Variants in CCNJL observed in about 807,000 individuals in gnomAD.
CCNJL encodes cyclin-J-like protein.
In CCNJL, 33 loss-of-function variants were observed where a neutral mutation model predicts 33.4. That is an observed-to-expected ratio of 0.99 (90% confidence interval 0.75 to 1.32). The LOEUF (loss-of-function observed/expected upper bound fraction) is 1.32, where lower values mean the gene tolerates loss of function less well. Ranked by LOEUF, CCNJL falls within the 40% of genes most tolerant of loss-of-function variation. The pLI, the probability that CCNJL is intolerant of heterozygous loss-of-function variation, is 0.00. For synonymous variants in CCNJL, 227 were observed against 220.9 expected (o/e 1.03, Z -0.24); for missense variants, 512 against 499.7 (o/e 1.02, Z -0.23).
chr5:160,256,148 C>T (rs191702678), intron 4 of CCNJL, among the ~76,000 whole-genome samples: 13 of 152,290 alleles, frequency 8.5e-5, no homozygotes, highest in African/African-American at 2.4e-4. Context: ...CTCAGCCTCC[C>T]AAAGTGCTGG....
intron 1 of CCNJL, among the ~76,000 whole-genome samples, chr5:160,321,820 C>T (rs1581020083): frequency 1.3e-5 from 2 of 152,200 alleles, no homozygotes; most frequent in South Asian, 4.1e-4. Context: ...GACGGTGCCA[C>T]TGCACTCCAG....
chr5:160,335,457 TG>T (rs1204147569), intron 1 of CCNJL, among the ~76,000 whole-genome samples: 1 of 152,220 alleles, frequency 6.6e-6, no homozygotes, highest in African/African-American at 2.4e-5. Flanking sequence ...GGGCATGTTT[TG>T]CCTCCATTCC....
At chr5:160,323,283 C>T (rs1763495869) in intron 1 of CCNJL, among the ~76,000 whole-genome samples, 1 of 151,582 alleles carries the variant, frequency 6.6e-6, no homozygotes, top group Admixed American at 6.6e-5. Context: ...TGTTTAGAAG[C>T]AGTGTCTCAC....
upstream of CCNJL, chr5:160,312,926 C>CTT (rs1205127218): frequency 4.1e-5 from 6 of 147,584 alleles, no homozygotes; most frequent in African/African-American, 1.5e-4. Flanking sequence ...GTTTTTCTTT[C>CTT]TCTCTCTCTT....
intron 1 of CCNJL, among the ~76,000 whole-genome samples, chr5:160,334,051 C>T (rs2113484139): frequency 6.6e-6 from 1 of 152,298 alleles, no homozygotes; most frequent in South Asian, 2.1e-4. Context: ...TCTGTTGTTA[C>T]TGATAATTGC....
At chr5:160,307,207 C>G (rs1763121611) in intron 2 of CCNJL, among the ~76,000 whole-genome samples, 4 of 152,210 alleles carry the variant, frequency 2.6e-5, no homozygotes, top group Admixed American at 1.3e-4. Context: ...GTGGGGGACA[C>G]CCTGAGGTCC....
intron 1 of CCNJL, among the ~76,000 whole-genome samples, chr5:160,321,441 A>G (rs989960503): frequency 6.6e-6 from 1 of 152,162 alleles, no homozygotes; most frequent in Non-Finnish European, 1.5e-5. Context: ...GGCCACCTGG[A>G]TGCCACAAAG....
At chr5:160,314,228 A>G (rs1763350997), upstream of CCNJL, among the ~76,000 whole-genome samples, 1 of 152,244 alleles carries the variant, frequency 6.6e-6, no homozygotes, top group Non-Finnish European at 1.5e-5. Context: ...ATCTTAAAGC[A>G]TATTGCAACA....
chr5:160,309,890 G>A (rs1420198095), intron 2 of CCNJL, among the ~76,000 whole-genome samples: 1 of 152,156 alleles, frequency 6.6e-6, no homozygotes, highest in Non-Finnish European at 1.5e-5. Context: ...CAAACTCATC[G>A]TCTCTCCGAG....
chr5:160,311,724 G>A lies in CCNJL; in HGVS notation c.66+134C>T, dbSNP rs141323689. The A allele has an allele frequency of 1.1e-3, 837 of 776,058 alleles. 11 individuals carry two copies. The African/African-American group carries it at 0.012, about 11-fold the overall frequency. The allele number at this position is 776,058 out of a possible 1,614,324, so 48.1% of individuals were successfully genotyped here. A position where few individuals can be genotyped will look rare whatever the true frequency, so the allele number is the denominator to read the frequency against. ...CCAATTCCGCTCAGACACTCCGGGA[G>A]AAGGTAAAGGGTAAGAGGAAAAAAA... On this transcript the variant is annotated intron_variant, in intron 2 of 5. Coordinates refer to ENST00000257536, the MANE Select transcript of CCNJL (RefSeq NM_001308173.3).
rs143053594 is a variant in CCNJL, at chr5:160,288,392, C to T, written c.67-7654G>A. Among the ~76,000 whole-genome samples, 644 of 152,240 alleles carry T rather than the reference C, an allele frequency of 4.2e-3. 4 individuals carry two copies. The highest frequency in any genetic ancestry group is 0.015 in the African/African-American group (603 of 41,542). ...CTCAAAATTTATCCCTGAGGATTTC[C>T]TAGCAACCCCACATCATCCCTTTAA... On this transcript the variant is annotated intron_variant, in intron 2 of 5. Coordinates refer to ENST00000257536, the MANE Select transcript of CCNJL (RefSeq NM_001308173.3).
At chr5:160,337,078 A>G (rs569948087) in intron 1 of CCNJL, among the ~76,000 whole-genome samples, 1 of 137,318 alleles carries the variant, frequency 7.3e-6, no homozygotes, top group Non-Finnish European at 1.5e-5. Flanking sequence ...ATCATGGACT[A>G]CTGCAGCCTC....
rs191954160 is a variant in CCNJL at position 160,324,003 on chromosome 5, C to A, written n.207-8498G>T. Among the ~76,000 whole-genome samples, 217 of 152,286 alleles carry A rather than the reference C, an allele frequency of 1.4e-3. 12 individuals are homozygous for A. In the South Asian group the frequency reaches 0.044, roughly 31 times the overall value. ...TCAGGCCTGTGGGCTTGGGCTGGAGCTACACCCTCAGACCTCATGGGTCTC... is the reference window on the plus strand; with the variant it reads ...TCAGGCCTGTGGGCTTGGGCTGGAGATACACCCTCAGACCTCATGGGTCTC... On this transcript the variant is annotated intron_variant and non_coding_transcript_variant, in intron 1 of 7. Transcript: ENST00000377503.
chr5:160,318,631 T>A (rs1007104234), intron 1 of CCNJL, among the ~76,000 whole-genome samples: 1 of 152,262 alleles, frequency 6.6e-6, no homozygotes, highest in East Asian at 1.9e-4. Context: ...CAACCCATAG[T>A]TCCTCTTCCT....
intron 2 of CCNJL, among the ~76,000 whole-genome samples, chr5:160,304,209 A>C (rs1298517062): frequency 6.6e-6 from 1 of 152,236 alleles, no homozygotes; most frequent in Non-Finnish European, 1.5e-5. Context: ...CTAAGACCTA[A>C]AAGACTCAAG....
In CCNJL at chr5:160,255,650, G is replaced by A. The variant is rs756173368; in HGVS notation, c.642C>T (p.Ser214=). The A allele has an allele frequency of 6.2e-7, 1 of 1,613,984 alleles. No individual in the cohort carries two copies. Among genetic ancestry groups the A allele is most frequent in the African/African-American group, 1.3e-5 (1 of 74,924 alleles). ...AGGGAGAAAGCTGCAGGCAAATCCT[G>A]GAGGCCCCAACACAGGCCGCAGCGA... ...SVVAAACVGA[S]RICLQLSPYW... is the part of the protein sequence containing the mutation. The change falls in exon 5 of 6, where the codon TCC becomes TCT. Residue 214 remains serine (S), a synonymous_variant. Coordinates refer to ENST00000257536, the MANE Select transcript of CCNJL (RefSeq NM_001308173.3).
chr5:160,303,486 G>C (rs890466145), intron 2 of CCNJL, among the ~76,000 whole-genome samples: 20 of 150,360 alleles, frequency 1.3e-4, no homozygotes, highest in African/African-American at 4.9e-4. Flanking sequence ...GATTACAGGC[G>C]TAAGCCACTG....
At chr5:160,278,348 G>A (rs896856549) in intron 3 of CCNJL, among the ~76,000 whole-genome samples, 4 of 152,106 alleles carry the variant, frequency 2.6e-5, no homozygotes, top group African/African-American at 7.2e-5. Flanking sequence ...TGACAGGTGG[G>A]GGGGCAAGAA....
intron 1 of CCNJL, among the ~76,000 whole-genome samples, chr5:160,332,990 G>A (rs1164072449): frequency 1.3e-5 from 2 of 152,050 alleles, no homozygotes; most frequent in Non-Finnish European, 2.9e-5. Context: ...CCTCATCAAC[G>A]ATTCTCTTCC....
Sources: gnomAD v4.1 joint callset for allele counts (sites outside exome capture counted in the v4.1 genomes callset) on GRCh38, gnomAD v4.1.1 for gene constraint, MANE v1.5 for transcripts, NCBI Gene and HGNC (gene_info 2026-07-23, HGNC 2026-07-21) for gene names.